Variants in CEP63 observed in about 807,000 individuals in gnomAD.
CEP63 encodes centrosomal protein of 63 kDa.
In CEP63, 84 loss-of-function variants were observed where a neutral mutation model predicts 89.1. That is an observed-to-expected ratio of 0.94 (90% CI 0.79 to 1.13). The LOEUF (loss-of-function observed/expected upper bound fraction) is 1.13. CEP63 is among the 50% of genes most tolerant of loss of function. The pLI is 0.00. For missense variants in CEP63, 838 were observed against 813.3 expected, an observed-to-expected ratio of 1.03 and a Z score of -0.37; for synonymous variants, 267 against 272.5, an observed-to-expected ratio of 0.98 and a Z score of 0.20.
chr3:134,537,730 A>G (rs540790163), intron 6 of CEP63, among the ~76,000 whole-genome samples: 2 of 152,048 alleles, frequency 1.3e-5, no homozygotes, highest in African/African-American at 4.8e-5. Flanking sequence ...CAGCTCTACT[A>G]TAGTCTGTGC....
chr3:134,729,594 T>C, the CEP63 span, among the ~76,000 whole-genome samples: 3 of 152,194 alleles, frequency 2.0e-5, no homozygotes, highest in Admixed American at 2.0e-4. Flanking sequence ...AAATATGAAG[T>C]TTGCATTTTT....
At chr3:134,519,803 A>G (rs1433811132) in intron 3 of CEP63, among the ~76,000 whole-genome samples, 1 of 152,214 alleles carries the variant, frequency 6.6e-6, no homozygotes, top group Non-Finnish European at 1.5e-5. Flanking sequence ...AACATAATTC[A>G]TCATATTATC....
intron 1 of CEP63, among the ~76,000 whole-genome samples, chr3:134,491,339 A>G (rs1937530138): frequency 6.6e-6 from 1 of 152,076 alleles, no homozygotes; most frequent in African/African-American, 2.4e-5. Flanking sequence ...ACATCTTTTC[A>G]TATTTTTACT....
At chr3:134,721,826 G>T in the CEP63 span, among the ~76,000 whole-genome samples, 3 of 152,012 alleles carry the variant, frequency 2.0e-5, no homozygotes, top group Non-Finnish European at 4.4e-5. Flanking sequence ...AATCCCACTT[G>T]TGCATAGTAT....
chr3:134,652,439 C>T, the CEP63 span, among the ~76,000 whole-genome samples: 46 of 151,390 alleles, frequency 3.0e-4, no homozygotes, highest in African/African-American at 1.1e-3. Context: ...TATTGCATTA[C>T]CAGCGCCCCC....
chr3:134,662,650 G>A, the CEP63 span, among the ~76,000 whole-genome samples: 1 of 152,160 alleles, frequency 6.6e-6, no homozygotes, highest in Non-Finnish European at 1.5e-5. Context: ...AAAGAACAGG[G>A]CTAGTTCAAA....
rs142179898 is a variant in CEP63, at chr3:134,497,396, G to T, written c.44+2032G>T. Among the ~76,000 whole-genome samples the T allele has an allele frequency of 1.0e-3, 157 of 152,230 alleles. 1 individual carries two copies. Among genetic ancestry groups the T allele is most frequent in the Non-Finnish European group, 1.4e-3 (96 of 68,022 alleles). On this transcript the variant is annotated intron_variant, in intron 2 of 14. Coordinates refer to ENST00000675561, the MANE Select transcript of CEP63 (RefSeq NM_001353108.3). ...TTTCTTTTTGTTTTTTTAGAGACGG[G>T]TGTCTCATTCTGTTGTGCAGGCTGG...
the CEP63 span, among the ~76,000 whole-genome samples, chr3:134,780,327 G>A: frequency 6.6e-6 from 1 of 152,116 alleles, no homozygotes; most frequent in Non-Finnish European, 1.5e-5. Flanking sequence ...ACAATGCTAT[G>A]CAATCATCAC....
At chr3:134,624,813 G>A in the CEP63 span, among the ~76,000 whole-genome samples, 1 of 152,114 alleles carries the variant, frequency 6.6e-6, no homozygotes, top group Non-Finnish European at 1.5e-5. Context: ...AGGGTGTGTT[G>A]TATGGGGTGG....
At chr3:134,768,974 G>T in the CEP63 span, among the ~76,000 whole-genome samples, 7 of 152,092 alleles carry the variant, frequency 4.6e-5, no homozygotes, top group African/African-American at 1.7e-4. Flanking sequence ...GAGCTAACAG[G>T]AACACTCCAG....
chr3:134,498,739 T>G (rs1339624822), intron 2 of CEP63, among the ~76,000 whole-genome samples: 1 of 152,156 alleles, frequency 6.6e-6, no homozygotes, highest in Non-Finnish European at 1.5e-5. Context: ...CTTCTATGCT[T>G]GAGAGTTTTT....
At chr3:134,643,370 C>T in the CEP63 span, 4 of 1,613,888 alleles carry the variant, frequency 2.5e-6, no homozygotes, top group Non-Finnish European at 3.4e-6. Flanking sequence ...TGCTTCTCCA[C>T]CAAGTTTTCT....
intron 2 of CEP63, among the ~76,000 whole-genome samples, chr3:134,505,882 T>C (rs751711535): frequency 3.9e-5 from 6 of 152,198 alleles, no homozygotes; most frequent in Non-Finnish European, 7.3e-5. Context: ...AAAAAACTTA[T>C]CTGAGTTGTG....
intron 2 of CEP63, among the ~76,000 whole-genome samples, chr3:134,499,820 CTT>C (rs747946881): frequency 7.4e-4 from 73 of 99,120 alleles, no homozygotes; most frequent in African/African-American, 2.5e-3. Context: ...CCATCTTCAT[CTT>C]TTTTTTTTTT....
At chr3:134,680,226 A>T in the CEP63 span, among the ~76,000 whole-genome samples, 1 of 152,136 alleles carries the variant, frequency 6.6e-6, no homozygotes, top group African/African-American at 2.4e-5. Context: ...TCTTGAAGCC[A>T]CTCAGCCTGT....
At chr3:134,701,028 A>G in the CEP63 span, among the ~76,000 whole-genome samples, 1 of 19,906 alleles carries the variant, frequency 5.0e-5, no homozygotes, top group Non-Finnish European at 2.2e-4. Flanking sequence ...CTGCTTTTAT[A>G]TGTTTTTTTG....
At chr3:134,755,484 C>T in the CEP63 span, among the ~76,000 whole-genome samples, 145,389 of 152,296 alleles carry the variant, frequency 0.95, 69,654 homozygotes, top group East Asian at 1. Context: ...CTGCAAGGCT[C>T]CTCCTTGGCT....
chr3:134,553,779 A>G (rs9827987), intron 12 of CEP63, among the ~76,000 whole-genome samples: 101,094 of 152,000 alleles, frequency 0.67, 34,032 homozygotes, highest in East Asian at 0.82. Flanking sequence ...TTCCTGGGTC[A>G]TGTGTGTTTC....
chr3:134,665,831 A>G, the CEP63 span, among the ~76,000 whole-genome samples: 1 of 152,080 alleles, frequency 6.6e-6, no homozygotes, highest in African/African-American at 2.4e-5. Flanking sequence ...AGAGAGACAA[A>G]TATGGAGGAA....
Sources: gnomAD v4.1 joint callset for allele counts (sites outside exome capture counted in the v4.1 genomes callset) on GRCh38, gnomAD v4.1.1 for gene constraint, MANE v1.5 for transcripts, NCBI Gene and HGNC (gene_info 2026-07-23, HGNC 2026-07-21) for gene names.